Variants in CARMIL2 observed in about 807,000 individuals in gnomAD.
CARMIL2 encodes the protein capping protein, Arp2/3 and myosin-I linker protein 2.
Under a neutral mutation model 173.3 loss-of-function variants are expected in CARMIL2, and 96 were observed. The observed-to-expected ratio is 0.55, with a 90% CI of 0.47 to 0.66. CARMIL2 has a LOEUF of 0.66. Ranked by LOEUF, CARMIL2 falls within the 30% of genes least tolerant of loss-of-function variation. The pLI is 0.00. For synonymous variants in CARMIL2, 830 were observed against 817.1 expected (o/e 1.02, Z -0.27); for missense variants, 1,771 against 1,906.7 (o/e 0.93, Z 1.33).
rs1466367504 is a variant in CARMIL2, at chr16:67,651,243, G to A, written c.2241G>A (p.Gly747=). 1.2e-6 allele frequency: 2 copies of A among 1,613,620 alleles called. No individual in the cohort carries two copies. The highest frequency in any genetic ancestry group is 8.5e-7 in the Non-Finnish European group (1 of 1,179,862). The change falls in exon 23 of 38, where the codon GGG becomes GGA. Residue 747 remains glycine, a synonymous_variant. Transcript: ENST00000334583. The surrounding 1 kb of genome is among the most constrained non-coding windows in gnomAD (Gnocchi z 4.2). ...VQEHVELLGC[G]AGPQGEAAVR... ...AGCATGTGGAGCTGCTGGGCTGTGG[G>A]GCTGGGCCCCAGGGTGAAGCCGCTG...
In CARMIL2 at chr16:67,647,629, G is replaced by T. The variant is rs368456893; in HGVS notation, c.871+27G>T. On this transcript the variant is annotated intron_variant, in intron 11 of 37. Transcript: ENST00000334583. ...TATGACTGAGCCTGGGGACCGCAGG[G>T]GTGGGCAGCAGGAGGAGGTGAGACC... 6 of 1,603,548 alleles carry T rather than the reference G, an allele frequency of 3.7e-6. No individual in the cohort carries two copies. The African/African-American group carries it at 5.4e-5, about 14-fold the overall frequency.
At position 67,654,591 on chromosome 16, in the gene CARMIL2, G is replaced by A; in HGVS notation, c.3481G>A (p.Ala1161Thr). 6.2e-7 allele frequency: 1 copy of A among 1,607,410 alleles called. No homozygotes were observed. Among genetic ancestry groups the A allele is most frequent in the Non-Finnish European group, 8.5e-7 (1 of 1,176,594 alleles). ...GGGGGACACCAGCAGCCCTGACCCT[G>A]CCGGCAGGAGCCGACCTCGCTACAC... ...AEGDTSSPDP[A>T]GRSRPRYTRD... Residue 1161 changes from alanine (A) to threonine (T), a missense_variant, in exon 31 of 38, where the codon GCC becomes ACC. By Grantham distance (58) the Ala-to-Thr change is moderately conservative. Around this residue, in one of 3 missense-constraint regions of CARMIL2, gnomAD observed 817 missense variants for 903.5 expected, o/e 0.90. Transcript: ENST00000334583.
chr16:67,651,161 T>C lies in CARMIL2; in HGVS notation c.2185-26T>C. On this transcript the variant is annotated intron_variant, in intron 22 of 37. Transcript: ENST00000334583. The surrounding 1 kb of genome is among the most constrained non-coding windows in gnomAD (Gnocchi z 4.2). ...CTGGGAGACTGGGAGGGGGCTAGGC[T>C]GAGACTGATCCCCATTTCGCCCCAG... The C allele has an allele frequency of 6.2e-7, 1 of 1,608,200 alleles. No homozygotes were observed. The highest frequency in any genetic ancestry group is 8.5e-7 in the Non-Finnish European group (1 of 1,177,456).
chr16:67,656,549 C>T lies in CARMIL2; in HGVS notation c.3940C>T (p.Pro1314Ser). 6.2e-7 allele frequency: 1 copy of T among 1,613,398 alleles called. No homozygotes were observed. The highest frequency in any genetic ancestry group is 8.5e-7 in the Non-Finnish European group (1 of 1,179,804). The change falls in exon 35 of 38, where the codon CCC becomes TCC. Residue 1314 changes from proline (P) to serine (S), a missense_variant. Physicochemically the swap from Pro to Ser is moderately conservative, Grantham distance 74. Transcript: ENST00000334583. ...GWGQQDGPGP[P>S]SPGQSPSPCR... ...GGGCCAACAGGATGGTCCAGGCCCT[C>T]CCTCCCCTGGTCAAAGCCCAAGTCC...
Position 67,648,324 on chromosome 16 carries a change from A to T in CARMIL2, c.1334+10A>T. 1 of 1,581,756 alleles carries T rather than the reference A, an allele frequency of 6.3e-7. No individual in the cohort carries two copies. On this transcript the variant is annotated intron_variant, in intron 14 of 37. Coordinates refer to ENST00000334583, the MANE Select transcript of CARMIL2 (RefSeq NM_001013838.3). The surrounding 1 kb of genome is among the most constrained non-coding windows in gnomAD (Gnocchi z 6.1). ...ACGTCTTCTCCCGCACGTAAGGGGG[A>T]CCTGTCGGGGCCGGGGGAGGCTGCT...
At position 67,656,030 on chromosome 16, in the gene CARMIL2, G is replaced by T; in HGVS notation, c.3706-1G>T. 1 of 1,594,174 alleles carries T rather than the reference G, an allele frequency of 6.3e-7. No individual in the cohort carries two copies. The highest frequency in any genetic ancestry group is 2.3e-5 in the East Asian group (1 of 43,988). ...GAATCTGATTGCCCTGTTTCCTGCA[G>T]AGCAAAGATGGCGAGATCAAGAAAG... On this transcript the variant is annotated splice_acceptor_variant, in intron 32 of 37. Transcript: ENST00000334583. LOFTEE classifies it high-confidence loss of function.
chr16:67,656,894 ACCT>A lies in CARMIL2; in HGVS notation c.4117+16_4117+18del. ...CAGGCCCCTGCTGGTGAGGGGAGAC[ACCT>A]CCACGTGTGCTTGAATGCAGGAGAT... On this transcript the variant is annotated intron_variant, in intron 36 of 37. Coordinates refer to ENST00000334583, the MANE Select transcript of CARMIL2 (RefSeq NM_001013838.3). 1 of 1,535,106 alleles carries A rather than the reference ACCT, an allele frequency of 6.5e-7. No homozygotes were observed. The highest frequency in any genetic ancestry group is 8.8e-7 in the Non-Finnish European group (1 of 1,135,422).
In CARMIL2 at chr16:67,649,183, A is replaced by G. The variant is rs199783624; in HGVS notation, c.1688+11A>G. 25 of 1,612,488 alleles carry G rather than the reference A, an allele frequency of 1.6e-5. No individual in the cohort carries two copies. In the South Asian group the frequency reaches 1.8e-4, roughly 11 times the overall value. On this transcript the variant is annotated intron_variant, in intron 18 of 37. Coordinates refer to ENST00000334583, the MANE Select transcript of CARMIL2 (RefSeq NM_001013838.3). This position sits in a 1 kb window ranked among gnomAD's most constrained non-coding sequence, Gnocchi z 6.7. Reference sequence around the variant, plus strand: ...CAACGTCCGGTGCAAGTGAGCCCCCACCCTACTCCTGGGCCTCCCAGACAA... The same window carrying G: ...CAACGTCCGGTGCAAGTGAGCCCCCGCCCTACTCCTGGGCCTCCCAGACAA...
chr16:67,646,640 T>C lies in CARMIL2; in HGVS notation c.467-74T>C. 1.9e-6 allele frequency: 3 copies of C among 1,579,622 alleles called. No homozygotes were observed. Among genetic ancestry groups the C allele is most frequent in the Non-Finnish European group, 2.6e-6 (3 of 1,149,066 alleles). ...CAGGTCCCAGCCACCACCTAGTCTG[T>C]GGGTCTGGTCTTCCTCCATCGCTGA... On this transcript the variant is annotated intron_variant, in intron 6 of 37. Coordinates refer to ENST00000334583, the MANE Select transcript of CARMIL2 (RefSeq NM_001013838.3). The surrounding 1 kb of genome is among the most constrained non-coding windows in gnomAD (Gnocchi z 4.6).
chr16:67,646,617 G>A lies in CARMIL2; in HGVS notation c.467-97G>A. On this transcript the variant is annotated intron_variant, in intron 6 of 37. Transcript: ENST00000334583. The surrounding 1 kb of genome is among the most constrained non-coding windows in gnomAD (Gnocchi z 4.6). ...GCCCCAAACTGAACAGAGCCATTCA[G>A]GTCCCAGCCACCACCTAGTCTGTGG... 2 of 1,570,376 alleles carry A rather than the reference G, an allele frequency of 1.3e-6. No individual in the cohort carries two copies. Among genetic ancestry groups the A allele is most frequent in the Non-Finnish European group, 1.8e-6 (2 of 1,141,368 alleles).
chr16:67,650,219 G>T, intron 22 of CARMIL2, 69 bp downstream of exon 22: 1 of 1,338,028 alleles, frequency 7.5e-7, no homozygotes, highest in South Asian at 1.2e-5. Flanking sequence ...GAGCCTCCAT[G>T]AGTCAGAGGG....
chr16:67,652,429 G>T lies in CARMIL2; in HGVS notation c.2818-43G>T. The T allele has an allele frequency of 6.2e-7, 1 of 1,611,876 alleles. No individual in the cohort carries two copies. The highest frequency in any genetic ancestry group is 8.5e-7 in the Non-Finnish European group (1 of 1,178,868). On this transcript the variant is annotated intron_variant, in intron 27 of 37. Coordinates refer to ENST00000334583, the MANE Select transcript of CARMIL2 (RefSeq NM_001013838.3). The surrounding 1 kb of genome is among the most constrained non-coding windows in gnomAD (Gnocchi z 4.7). ...AGGTGAAAGGCAGCTCTTTTGGGTT[G>T]GTGCTCTCCTACCCCAGGCTGAGTT...
rs981479148 is a variant in CARMIL2 at position 67,657,236 on chromosome 16, T to C, written c.4118-3T>C. On this transcript the variant is annotated splice_polypyrimidine_tract_variant and splice_region_variant and intron_variant, in intron 36 of 37. Coordinates refer to ENST00000334583, the MANE Select transcript of CARMIL2 (RefSeq NM_001013838.3). The surrounding 1 kb of genome is among the most constrained non-coding windows in gnomAD (Gnocchi z 4.5). Reference sequence around the variant, plus strand: ...CCACCCCAAGCCTTTCTGTGTCCCTTAGAACGGCCCCTGAGGCTGCAGCGC... The same window carrying C: ...CCACCCCAAGCCTTTCTGTGTCCCTCAGAACGGCCCCTGAGGCTGCAGCGC... The C allele has an allele frequency of 2.5e-6, 4 of 1,613,312 alleles. No homozygotes were observed. The highest frequency in any genetic ancestry group is 3.4e-6 in the Non-Finnish European group (4 of 1,179,698).
chr16:67,646,288 G>A lies in CARMIL2; in HGVS notation c.352G>A (p.Val118Ile). Residue 118 changes from valine to isoleucine, a missense_variant, in exon 5 of 38, where the codon GTC becomes ATC. Transcript: ENST00000334583. This position sits in a 1 kb window ranked among gnomAD's most constrained non-coding sequence, Gnocchi z 4.6. The part of the protein sequence containing the change: ...AQHVAAAIKK[V>I]FPRSTLGKLF... Reference sequence around the variant, plus strand: ...GCACGTGGCTGCAGCCATCAAGAAGGTCTTCCCTCGCTCGACCCTTGGGTG... The same window carrying A: ...GCACGTGGCTGCAGCCATCAAGAAGATCTTCCCTCGCTCGACCCTTGGGTG... 1 of 1,613,682 alleles carries A rather than the reference G, an allele frequency of 6.2e-7. No homozygotes were observed. The highest frequency in any genetic ancestry group is 8.5e-7 in the Non-Finnish European group (1 of 1,179,802).
rs1437884868 is a variant in CARMIL2, at chr16:67,656,637, G to T, written c.4028G>T (p.Arg1343Ile). The T allele has an allele frequency of 6.3e-7, 1 of 1,589,376 alleles. No homozygotes were observed. ...CCAGAGGACCCTTGCTTGGGCCCCA[G>T]AAATGAAGGTAGGCAGGCACCTGAT... ...GLPEDPCLGP[R>I]NEDGQLRPRP... The change falls in exon 35 of 38, where the codon AGA becomes ATA. Residue 1343 changes from arginine (R) to isoleucine (I), a missense_variant. Around this residue, in one of 3 missense-constraint regions of CARMIL2, gnomAD observed 817 missense variants for 903.5 expected, o/e 0.90. Coordinates refer to ENST00000334583, the MANE Select transcript of CARMIL2 (RefSeq NM_001013838.3).
Position 67,645,756 on chromosome 16 carries a change from C to G in CARMIL2, c.165C>G (p.His55Gln), listed in dbSNP as rs1281824163. The G allele has an allele frequency of 3.1e-6, 5 of 1,612,770 alleles. No homozygotes were observed. The South Asian group carries it at 5.5e-5, about 18-fold the overall frequency. ...ALLRWRAYLL[H>Q]TTCLPLRVDC... ...TACGATGGAGAGCCTACCTGCTGCA[C>G]ACCACCTGCCTCCCGCTGAGGGTGA... The change falls in exon 3 of 38, where the codon CAC (histidine) becomes CAG (glutamine). Residue 55 changes from histidine to glutamine, a missense_variant. Transcript: ENST00000334583.
At position 67,646,134 on chromosome 16, in the gene CARMIL2, C is replaced by G. The variant is rs1016157355; in HGVS notation, c.250-52C>G. 8 of 1,613,780 alleles carry G rather than the reference C, an allele frequency of 5.0e-6. No individual in the cohort carries two copies. Among genetic ancestry groups the G allele is most frequent in the Non-Finnish European group, 6.8e-6 (8 of 1,179,854 alleles). ...TGCAGCCTGGTCTTCATGCTACCAC[C>G]ATCACCTGCGCCCATGTGTGGAGCC... On this transcript the variant is annotated intron_variant, in intron 4 of 37. Transcript: ENST00000334583. The surrounding 1 kb of genome is among the most constrained non-coding windows in gnomAD (Gnocchi z 4.6).
Position 67,649,195 on chromosome 16 carries a change from G to A in CARMIL2, c.1688+23G>A, listed in dbSNP as rs754552554. ...CAAGTGAGCCCCCACCCTACTCCTG[G>A]GCCTCCCAGACAACACCCCACCACC... On this transcript the variant is annotated intron_variant, in intron 18 of 37. Coordinates refer to ENST00000334583, the MANE Select transcript of CARMIL2 (RefSeq NM_001013838.3). The surrounding 1 kb of genome is among the most constrained non-coding windows in gnomAD (Gnocchi z 6.7). 34 of 1,612,694 alleles carry A rather than the reference G, an allele frequency of 2.1e-5. No homozygotes were observed. The highest frequency in any genetic ancestry group is 3.4e-6 in the Non-Finnish European group (4 of 1,179,420).
chr16:67,654,711 GGGT>G lies in CARMIL2; in HGVS notation c.3582+24_3582+26del. The G allele has an allele frequency of 1.2e-6, 2 of 1,601,940 alleles. No homozygotes were observed. Among genetic ancestry groups the G allele is most frequent in the African/African-American group, 1.3e-5 (1 of 74,792 alleles). ...CGACAAGGTGAGGCTTGCTGATGGG[GGGT>G]GGTGAAGGCGCTTCTGGGACCCAGG... On this transcript the variant is annotated intron_variant, in intron 31 of 37. Transcript: ENST00000334583.
Sources: allele counts gnomAD v4.1 joint callset, GRCh38; gene constraint gnomAD v4.1.1; regional missense constraint gnomAD v4.1.1; non-coding constraint Gnocchi (gnomAD v3.1); transcripts MANE v1.5; gene names NCBI Gene and HGNC (gene_info 2026-07-23, HGNC 2026-07-21).